The following DTX4 variants were observed in gnomAD, a reference collection of about 807,000 sequenced individuals.
DTX4 encodes the protein E3 ubiquitin-protein ligase DTX4.
In DTX4, 28 loss-of-function variants were observed where a neutral mutation model predicts 57.6. That is an observed-to-expected ratio of 0.49 (90% CI 0.36 to 0.67). The LOEUF is 0.67. Ranked by LOEUF, DTX4 falls within the 30% of genes least tolerant of loss-of-function variation. DTX4 has a pLI of 0.00. For missense variants in DTX4, 715 were observed against 836.8 expected, an observed-to-expected ratio of 0.85 and a Z score of 1.80; for synonymous variants, 316 against 331.0, an observed-to-expected ratio of 0.95 and a Z score of 0.49.
chr11:59,176,419 C>T (rs1009575914), intron 1 of DTX4, among the ~76,000 whole-genome samples: 1 of 152,200 alleles, frequency 6.6e-6, no homozygotes, highest in African/African-American at 2.4e-5. Flanking sequence ...ATGGCAGGGC[C>T]GAGATTCTGA....
Position 59,182,216 on chromosome 11 carries a change from C to T in DTX4, c.689C>T (p.Pro230Leu). 1 of 1,609,646 alleles carries T rather than the reference C, an allele frequency of 6.2e-7. No homozygotes were observed. The highest frequency in any genetic ancestry group is 8.5e-7 in the Non-Finnish European group (1 of 1,177,624). ...NMPPPGVVKL[P>L]PLPGSGAKPL... ...CCGCCTCCTGGAGTGGTCAAGCTAC[C>T]CCCACTGCCAGGCTCTGGGGCCAAG... Residue 230 changes from proline (P) to leucine (L), a missense_variant, in exon 2 of 9, where the codon CCC becomes CTC. Pro to Leu is a moderately conservative substitution (Grantham distance 98). Coordinates refer to ENST00000227451, the MANE Select transcript of DTX4 (RefSeq NM_015177.2).
chr11:59,204,723 C>A lies in DTX4; in HGVS notation c.1674C>A (p.Ala558=), dbSNP rs1442317845. The A allele has an allele frequency of 3.1e-6, 5 of 1,613,780 alleles. No homozygotes were observed. In the Admixed American group the frequency reaches 8.3e-5, roughly 27 times the overall value. The change falls in exon 9 of 9, where the codon GCC becomes GCA. Residue 558 remains alanine, a synonymous_variant. Coordinates refer to ENST00000227451, the MANE Select transcript of DTX4 (RefSeq NM_015177.2). The part of the protein sequence containing the change: ...LVAWDRRLIF[A]IGTSSTTGES... ...CCTGGGATCGCCGCCTCATTTTTGC[C>A]ATTGGCACCTCCAGCACCACAGGCG... is the stretch of plus-strand genomic sequence containing the variant.
Position 59,191,101 on chromosome 11 carries a change from C to T in DTX4, c.1160-13C>T. 1 of 1,564,582 alleles carries T rather than the reference C, an allele frequency of 6.4e-7. No homozygotes were observed. The highest frequency in any genetic ancestry group is 8.7e-7 in the Non-Finnish European group (1 of 1,154,332). On this transcript the variant is annotated splice_polypyrimidine_tract_variant and intron_variant, in intron 4 of 8. Coordinates refer to ENST00000227451, the MANE Select transcript of DTX4 (RefSeq NM_015177.2). Reference sequence around the variant, plus strand: ...TCTGCCTTGGTGGCCCACTGAACCTCCTGTCTCTGCAGGTAAAACCCCAGA... The same window carrying T: ...TCTGCCTTGGTGGCCCACTGAACCTTCTGTCTCTGCAGGTAAAACCCCAGA...
intron 2 of DTX4, among the ~76,000 whole-genome samples, chr11:59,184,803 G>C (rs996457800): frequency 6.6e-6 from 1 of 152,152 alleles, no homozygotes; most frequent in African/African-American, 2.4e-5. Context: ...TTTTCCTGAT[G>C]AGGGAGGCCC....
intron 4 of DTX4, 134 bp downstream of exon 4, chr11:59,189,457 T>A: frequency 1.2e-6 from 1 of 838,988 alleles, no homozygotes; most frequent in Non-Finnish European, 1.8e-6. Flanking sequence ...TAAGTGGGCC[T>A]AACCAGTAAA....
At chr11:59,199,902 A>G in intron 8 of DTX4, 129 bp downstream of exon 8, 1 of 735,418 alleles carries the variant, frequency 1.4e-6, no homozygotes, top group Non-Finnish European at 2.2e-6. Context: ...TTTTAAGTCT[A>G]GATGCACACA....
At chr11:59,194,524 AT>A (rs1862638280) in intron 6 of DTX4, among the ~76,000 whole-genome samples, 1 of 152,222 alleles carries the variant, frequency 6.6e-6, no homozygotes, top group Non-Finnish European at 1.5e-5. Flanking sequence ...AAAAATGCTA[AT>A]AACATTTAGA....
intron 2 of DTX4, among the ~76,000 whole-genome samples, chr11:59,187,431 T>C (rs1286014516): frequency 6.6e-6 from 1 of 152,204 alleles, no homozygotes; most frequent in Non-Finnish European, 1.5e-5. Context: ...CTGTGCATGT[T>C]GGTAACTGTA....
rs961787354 is a variant in DTX4 at position 59,205,002 on chromosome 11, C to A, written c.*93C>A. On this transcript the variant is annotated 3_prime_UTR_variant, in exon 9 of 9. Transcript: ENST00000227451. ...AATGTAGAAGAAGTTGGTGTCCTGCCCTCCCAACTTTCTATCCTCCCCTCC... is the reference window on the plus strand; with the variant it reads ...AATGTAGAAGAAGTTGGTGTCCTGCACTCCCAACTTTCTATCCTCCCCTCC... 18 of 1,154,172 alleles carry A rather than the reference C, an allele frequency of 1.6e-5. No individual in the cohort carries two copies. Among genetic ancestry groups the A allele is most frequent in the Non-Finnish European group, 1.9e-5 (15 of 806,850 alleles). 71.5% of individuals were successfully genotyped at this position (1,154,172 alleles called of 1,614,324 possible).
chr11:59,189,642 C>T (rs545690012), intron 4 of DTX4, among the ~76,000 whole-genome samples: 2 of 152,186 alleles, frequency 1.3e-5, no homozygotes, highest in Non-Finnish European at 2.9e-5. Context: ...GGATTCAAAT[C>T]GTACCTTTGT....
At position 59,182,605 on chromosome 11, in the gene DTX4, C is replaced by A. The variant is rs1565216871; in HGVS notation, c.935+143C>A. 13 of 1,207,342 alleles carry A rather than the reference C, an allele frequency of 1.1e-5. No homozygotes were observed. In the East Asian group the frequency reaches 3.4e-4, roughly 31 times the overall value. 74.8% of individuals were successfully genotyped at this position (1,207,342 alleles called of 1,614,324 possible). A position where few individuals can be genotyped will look rare whatever the true frequency, so the allele number is the denominator to read the frequency against. ...CCTGGCTGCAGGTGAAGGTGGTGCACCTGGCTGCAGGTGTGGTGGATAAGG... is the reference window on the plus strand; with the variant it reads ...CCTGGCTGCAGGTGAAGGTGGTGCAACTGGCTGCAGGTGTGGTGGATAAGG... On this transcript the variant is annotated intron_variant, in intron 2 of 8. Transcript: ENST00000227451.
In DTX4 at chr11:59,172,708, C is replaced by G. The variant is rs765272910; in HGVS notation, c.113C>G (p.Pro38Arg). ...ATCGAGGCGGTGGTCCGCGCCGGCC[C>G]CCGCGCGGGGGGCAGCGTGGTGCTG... ...HHIEAVVRAG[P>R]RAGGSVVLGQ... The change falls in exon 1 of 9, where the codon CCC becomes CGC. Residue 38 changes from proline to arginine, a missense_variant. Transcript: ENST00000227451. 2 of 1,602,596 alleles carry G rather than the reference C, an allele frequency of 1.2e-6. No individual in the cohort carries two copies. The highest frequency in any genetic ancestry group is 1.1e-5 in the South Asian group (1 of 89,806).
chr11:59,195,134 C>G, intron 6 of DTX4, 74 bp from the exon 7 acceptor site: 1 of 1,523,510 alleles, frequency 6.6e-7, no homozygotes, highest in African/African-American at 1.4e-5. Context: ...ATCTCTGGTA[C>G]CTTTTGGGAC....
intron 6 of DTX4, among the ~76,000 whole-genome samples, chr11:59,194,503 A>G (rs1481085237): frequency 1.3e-5 from 2 of 152,278 alleles, no homozygotes; most frequent in South Asian, 4.1e-4. Context: ...CAGTCTTTCC[A>G]TGGAAATTAT....
rs758974970 is a variant in DTX4, at chr11:59,172,756, C to T, written c.161C>T (p.Ala54Val). 1.2e-6 allele frequency: 2 copies of T among 1,602,238 alleles called. No homozygotes were observed. The highest frequency in any genetic ancestry group is 2.2e-5 in the South Asian group (2 of 89,652). ...CTGGGCCAGGTGGACAGCCGTCTCG[C>T]GCCCTACATCATCGACCTGCAGTCC... is the stretch of plus-strand genomic sequence containing the variant. ...VVLGQVDSRL[A>V]PYIIDLQSMN... Residue 54 changes from alanine (A) to valine (V), a missense_variant, in exon 1 of 9, where the codon GCG (alanine) becomes GTG (valine). Physicochemically the swap from Ala to Val is moderately conservative, Grantham distance 64 (BLOSUM62 0). Transcript: ENST00000227451.
At chr11:59,183,162 A>T (rs538794761) in intron 2 of DTX4, among the ~76,000 whole-genome samples, 1 of 152,276 alleles carries the variant, frequency 6.6e-6, no homozygotes, top group Admixed American at 6.5e-5. Context: ...GACATCTGAC[A>T]CTAGAGCCCA....
intron 1 of DTX4, 44 bp from the exon 2 acceptor site, chr11:59,181,695 A>G (rs1389463478): frequency 1.3e-6 from 2 of 1,549,668 alleles, no homozygotes; most frequent in East Asian, 4.5e-5. Context: ...CACTCAGTGT[A>G]ATTGCATGCT....
intron 2 of DTX4, among the ~76,000 whole-genome samples, chr11:59,184,453 A>T (rs955276679): frequency 6.6e-6 from 1 of 152,278 alleles, no homozygotes; most frequent in Non-Finnish European, 1.5e-5. Context: ...TGCTTGACAC[A>T]TAAGAGTTCA....
In DTX4 at chr11:59,205,082, T is replaced by C. The variant is rs1464969104; in HGVS notation, c.*173T>C. On this transcript the variant is annotated 3_prime_UTR_variant, in exon 9 of 9. Coordinates refer to ENST00000227451, the MANE Select transcript of DTX4 (RefSeq NM_015177.2). ...ACCACAGTGGGAGCCAGACTGAATA[T>C]AGCGACATCATTCATAAATCTCATC... 6 of 602,994 alleles carry C rather than the reference T, an allele frequency of 1.0e-5. No homozygotes were observed. In the African/African-American group the frequency reaches 1.1e-4, roughly 11 times the overall value. 37.4% of individuals were successfully genotyped at this position (602,994 alleles called of 1,614,324 possible).
Sources: allele counts gnomAD v4.1 joint callset (sites outside exome capture counted in the v4.1 genomes callset), GRCh38; gene constraint gnomAD v4.1.1; transcripts MANE v1.5; gene names NCBI Gene and HGNC (gene_info 2026-07-23, HGNC 2026-07-21).